Variants in LDAH observed in about 807,000 individuals in gnomAD.
LDAH encodes lipid droplet associated hydrolase, also known as lipid droplet-associated hydrolase.
Under a neutral mutation model 29.6 loss-of-function variants are expected in LDAH, and 26 were observed. The ratio of observed to expected loss-of-function variants is 0.88; its 90% CI spans 0.64 to 1.22. LDAH has a LOEUF of 1.22. Ranked by LOEUF, LDAH falls within the 50% of genes most tolerant of loss-of-function variation. LDAH has a pLI of 0.00. For synonymous variants in LDAH, 117 were observed against 133.0 expected, an observed-to-expected ratio of 0.88 and a Z score of 0.83; for missense variants, 344 against 387.3, an observed-to-expected ratio of 0.89 and a Z score of 0.94.
chr2:20,762,347 G>T (rs1331614605), intron 4 of LDAH, among the ~76,000 whole-genome samples: 1 of 151,846 alleles, frequency 6.6e-6, no homozygotes, highest in East Asian at 1.9e-4. Flanking sequence ...ATAATACATG[G>T]TCATTATAAA....
chr2:20,692,848 G>C (rs1663138885), intron 6 of LDAH, among the ~76,000 whole-genome samples: 1 of 152,130 alleles, frequency 6.6e-6, no homozygotes, highest in Non-Finnish European at 1.5e-5. Context: ...GCATTTCTGG[G>C]GGTGTCATGC....
chr2:20,819,112 A>G (rs935280600), intron 1 of LDAH, among the ~76,000 whole-genome samples: 4 of 152,212 alleles, frequency 2.6e-5, no homozygotes, highest in African/African-American at 7.2e-5. Flanking sequence ...CACACACTAC[A>G]CTCAAGATGA....
rs377310236 is a variant in LDAH at position 20,701,786 on chromosome 2, ACAGAGGAATGTGAGT to A, written c.704-149_704-135del. 1.4e-4 allele frequency: 97 copies of A among 716,738 alleles called. No homozygotes were observed. In the African/African-American group the frequency reaches 1.4e-3, roughly 11 times the overall value. The allele number at this position is 716,738 out of a possible 1,614,324, so 44.4% of individuals were successfully genotyped here. On this transcript the variant is annotated intron_variant, in intron 5 of 6. Coordinates refer to ENST00000237822, the MANE Select transcript of LDAH (RefSeq NM_021925.4). Reference sequence around the variant, plus strand: ...CTGATGAGAGATACTGGTGAGGCCAACAGAGGAATGTGAGTCAGGCAACATGCACACAGTCTCTGG... The same window carrying A: ...CTGATGAGAGATACTGGTGAGGCCAACAGGCAACATGCACACAGTCTCTGG...
intron 5 of LDAH, among the ~76,000 whole-genome samples, chr2:20,712,882 G>C (rs577497224): frequency 6.6e-6 from 1 of 152,298 alleles, no homozygotes; most frequent in East Asian, 1.9e-4. Flanking sequence ...AGAAATATGG[G>C]ACTATGTGAA....
rs1244309951 is a variant in LDAH, at chr2:20,760,807, CCTGT to C, written c.468+13999_468+14002del. Among the ~76,000 whole-genome samples, 4 of 152,168 alleles carry C rather than the reference CCTGT, an allele frequency of 2.6e-5. No homozygotes were observed. The East Asian group carries it at 7.7e-4, about 29-fold the overall frequency. On this transcript the variant is annotated intron_variant, in intron 4 of 6. Transcript: ENST00000237822. Reference sequence around the variant, plus strand: ...ATCACATACACATAATCATGTGCTTCCTGTCTGTCACCTTTATCATATTTTGTTG... The same window carrying C: ...ATCACATACACATAATCATGTGCTTCCTGTCACCTTTATCATATTTTGTTG...
At chr2:20,725,029 T>A (rs968248669) in intron 5 of LDAH, among the ~76,000 whole-genome samples, 1 of 152,218 alleles carries the variant, frequency 6.6e-6, no homozygotes, top group Non-Finnish European at 1.5e-5. Context: ...GCAATATATA[T>A]GTGAGTTTTA....
chr2:20,821,998 G>C (rs1312329788), intron 1 of LDAH, among the ~76,000 whole-genome samples: 1 of 152,162 alleles, frequency 6.6e-6, no homozygotes, highest in African/African-American at 2.4e-5. Flanking sequence ...TATAGTTTCA[G>C]AAAGAAGTTT....
intron 5 of LDAH, among the ~76,000 whole-genome samples, chr2:20,723,112 T>C (rs905165770): frequency 4.6e-5 from 7 of 152,332 alleles, no homozygotes; most frequent in Admixed American, 3.9e-4. Context: ...TCATCAATCA[T>C]AGAATAAATA....
In LDAH at chr2:20,774,901, T is replaced by A. The variant is rs757416876; in HGVS notation, c.377A>T (p.His126Leu). The A allele has an allele frequency of 2.5e-6, 4 of 1,613,680 alleles. No individual in the cohort carries two copies. Among genetic ancestry groups the A allele is most frequent in the South Asian group, 2.2e-5 (2 of 91,062 alleles). ...CACAAGTTTCATGTCCTTTGGCACA[T>A]GAGTTCTCAGGAAAGCTAGTTTGTG... ...IEHKLAFLRT[H>L]VPKDMKLVLI... Residue 126 changes from histidine (H) to leucine (L), a missense_variant, in exon 4 of 7, where the codon CAT becomes CTT. Coordinates refer to ENST00000237822, the MANE Select transcript of LDAH (RefSeq NM_021925.4).
chr2:20,717,351 C>T lies in LDAH; in HGVS notation c.704-15699G>A, dbSNP rs578157426. On this transcript the variant is annotated intron_variant, in intron 5 of 6. Transcript: ENST00000237822. ...AGATATGTGCCATATGTCAAAGGTA[C>T]TGGTATCTGGAATTTATCTTAAAAC... 5.2e-4 allele frequency among the ~76,000 whole-genome samples: 79 copies of T among 152,232 alleles called. No individual in the cohort carries two copies. In the South Asian group the frequency reaches 9.1e-3, roughly 18 times the overall value.
chr2:20,742,913 C>T (rs1197689201), intron 4 of LDAH, among the ~76,000 whole-genome samples: 1 of 151,552 alleles, frequency 6.6e-6, no homozygotes, highest in Non-Finnish European at 1.5e-5. Flanking sequence ...GCACACACCA[C>T]CACGCCTGGC....
rs140316825 is a variant in LDAH at position 20,797,493 on chromosome 2, T to C, written c.154+3817A>G. Among the ~76,000 whole-genome samples the C allele has an allele frequency of 2.9e-3, 442 of 152,246 alleles. 3 individuals are homozygous for C. The Middle Eastern group carries it at 0.041, about 14-fold the overall frequency. ...CAATCACCTTAGGATGAGGCCCACC[T>C]AGGGCGACCAACTCCTCTGTTTTGC... On this transcript the variant is annotated intron_variant, in intron 2 of 6. Transcript: ENST00000237822.
At chr2:20,754,755 T>C (rs79629803) in intron 4 of LDAH, among the ~76,000 whole-genome samples, 1 of 152,100 alleles carries the variant, frequency 6.6e-6, no homozygotes, top group African/African-American at 2.4e-5. Context: ...GGATAATCTC[T>C]TTTTAAAAAG....
chr2:20,801,254 C>A, intron 2 of LDAH, 56 bp downstream of exon 2: 1 of 1,536,058 alleles, frequency 6.5e-7, no homozygotes, highest in South Asian at 1.2e-5. Flanking sequence ...ACTTTAAAAT[C>A]AGACATAGTT....
chr2:20,779,593 T>C (rs945985026), intron 3 of LDAH, among the ~76,000 whole-genome samples: 17 of 151,982 alleles, frequency 1.1e-4, no homozygotes, highest in East Asian at 9.6e-4. Context: ...AAAAGAGACA[T>C]GAAATATTTA....
At chr2:20,818,924 ATTC>A (rs1261138741) in intron 1 of LDAH, among the ~76,000 whole-genome samples, 1 of 152,096 alleles carries the variant, frequency 6.6e-6, no homozygotes, top group African/African-American at 2.4e-5. Context: ...CAATTTCACA[ATTC>A]TTCTTTTAAT....
intron 3 of LDAH, among the ~76,000 whole-genome samples, chr2:20,776,868 C>T (rs1021832306): frequency 6.6e-6 from 1 of 152,130 alleles, no homozygotes; most frequent in Non-Finnish European, 1.5e-5. Context: ...CCAAGTTTTC[C>T]TTCTGTTGGG....
At chr2:20,802,171 T>G (rs568193998) in intron 1 of LDAH, among the ~76,000 whole-genome samples, 140 of 152,146 alleles carry the variant, frequency 9.2e-4, no homozygotes, top group African/African-American at 3.2e-3. Context: ...GCAATTCTCC[T>G]GCCTCAGCCT....
chr2:20,711,260 C>T (rs773856972), intron 5 of LDAH, among the ~76,000 whole-genome samples: 7 of 151,896 alleles, frequency 4.6e-5, no homozygotes, highest in East Asian at 3.9e-4. Context: ...TGGTGGTGGG[C>T]GCCTGTAGTC....
Sources: gnomAD v4.1 joint callset for allele counts (sites outside exome capture counted in the v4.1 genomes callset) on GRCh38, gnomAD v4.1.1 for gene constraint, MANE v1.5 for transcripts, NCBI Gene and HGNC (gene_info 2026-07-23, HGNC 2026-07-21) for gene names.